The following KCND2 variants were observed in gnomAD, a reference collection of about 807,000 sequenced individuals.
The protein encoded by KCND2 is potassium voltage-gated channel subfamily D member 2.
A neutral mutation model predicts 54.4 loss-of-function variants in KCND2; 16 were observed. That is an observed-to-expected ratio of 0.29 (90% CI 0.20 to 0.45). KCND2 has a LOEUF of 0.45. Ranked by LOEUF, KCND2 falls within the 20% of genes least tolerant of loss-of-function variation. KCND2 has a pLI of 1.00. For missense variants in KCND2, 486 were observed against 824.2 expected, an observed-to-expected ratio of 0.59 and a Z score of 5.02; for synonymous variants, 317 against 310.7, an observed-to-expected ratio of 1.02 and a Z score of -0.21.
intron 1 of KCND2, among the ~76,000 whole-genome samples, chr7:120,502,359 A>C (rs765531540): frequency 1.4e-4 from 21 of 151,988 alleles, no homozygotes; most frequent in South Asian, 4.1e-4. Flanking sequence ...AGGGTTGCAG[A>C]AGGATTAAGA....
At chr7:120,279,060 A>G (rs1318471156) in intron 1 of KCND2, among the ~76,000 whole-genome samples, 1 of 151,908 alleles carries the variant, frequency 6.6e-6, no homozygotes, top group East Asian at 1.9e-4. Flanking sequence ...CTTTTGTCCT[A>G]AAGTCCTTTG....
At chr7:120,409,166 G>T (rs969465969) in intron 1 of KCND2, among the ~76,000 whole-genome samples, 4 of 151,918 alleles carry the variant, frequency 2.6e-5, no homozygotes. Flanking sequence ...GGAACAAGGC[G>T]TTGGTGTCAG....
intron 1 of KCND2, among the ~76,000 whole-genome samples, chr7:120,359,004 TAGAG>T (rs992592743): frequency 4.5e-4 from 69 of 152,300 alleles, no homozygotes; most frequent in African/African-American, 1.5e-3. Context: ...TACTTTAAAA[TAGAG>T]AGAAAGAGAA....
At chr7:120,529,593 A>G (rs1179700937) in intron 1 of KCND2, among the ~76,000 whole-genome samples, 1 of 152,166 alleles carries the variant, frequency 6.6e-6, no homozygotes, top group Non-Finnish European at 1.5e-5. Context: ...TAATGAATAC[A>G]GTCATTTTCT....
chr7:120,635,223 T>C (rs1312997030), intron 1 of KCND2, among the ~76,000 whole-genome samples: 3 of 152,270 alleles, frequency 2.0e-5, no homozygotes, highest in Non-Finnish European at 4.4e-5. Flanking sequence ...TAGCAGGTCA[T>C]CCATAAATAT....
chr7:120,676,392 C>T (rs1792061078), intron 1 of KCND2, among the ~76,000 whole-genome samples: 1 of 152,090 alleles, frequency 6.6e-6, no homozygotes, highest in South Asian at 2.1e-4. Context: ...AGACATCACT[C>T]AGTCCCACCA....
At chr7:120,724,143 T>G (rs1792702940) in intron 1 of KCND2, among the ~76,000 whole-genome samples, 6 of 152,202 alleles carry the variant, frequency 3.9e-5, no homozygotes, top group African/African-American at 9.7e-5. Context: ...GTTCCAATTA[T>G]TTGCTCAGCA....
At position 120,325,645 on chromosome 7, in the gene KCND2, T is replaced by C. The variant is rs371717935; in HGVS notation, c.1115+49898T>C. 1.4e-4 allele frequency among the ~76,000 whole-genome samples: 21 copies of C among 152,238 alleles called. No homozygotes were observed. The East Asian group carries it at 3.9e-3, about 28-fold the overall frequency. ...TTGAACCAGCCTTGCATCCCAGGGA[T>C]GAAGCCCACTTGATCATGGTGGATA... On this transcript the variant is annotated intron_variant, in intron 1 of 5. Coordinates refer to ENST00000331113, the MANE Select transcript of KCND2 (RefSeq NM_012281.3).
At chr7:120,642,580 AT>A (rs1562896503) in intron 1 of KCND2, among the ~76,000 whole-genome samples, 6 of 147,804 alleles carry the variant, frequency 4.1e-5, no homozygotes, top group African/African-American at 1.5e-4. Context: ...AAAAAAAAAT[AT>A]ATATATATAT....
At chr7:120,409,183 C>G (rs982597678) in intron 1 of KCND2, among the ~76,000 whole-genome samples, 19 of 151,900 alleles carry the variant, frequency 1.3e-4, no homozygotes, top group Non-Finnish European at 2.4e-4. Flanking sequence ...TCAGAGAGAT[C>G]TTAGTTGGCT....
intron 1 of KCND2, among the ~76,000 whole-genome samples, chr7:120,384,472 A>G (rs1389417986): frequency 6.6e-6 from 1 of 152,186 alleles, no homozygotes; most frequent in African/African-American, 2.4e-5. Flanking sequence ...CTCAGCATGC[A>G]TCTTAAGCTC....
At chr7:120,320,528 T>C (rs1799879914) in intron 1 of KCND2, among the ~76,000 whole-genome samples, 1 of 152,152 alleles carries the variant, frequency 6.6e-6, no homozygotes, top group African/African-American at 2.4e-5. Context: ...CAAAAGGACT[T>C]TCACTTTATC....
chr7:120,408,453 G>A (rs183641315), intron 1 of KCND2, among the ~76,000 whole-genome samples: 214 of 151,990 alleles, frequency 1.4e-3, no homozygotes, highest in Admixed American at 2.4e-3. Context: ...CATATAACAT[G>A]TAAAGACAGG....
chr7:120,448,176 C>A (rs903614568), intron 1 of KCND2, among the ~76,000 whole-genome samples: 3 of 150,874 alleles, frequency 2.0e-5, no homozygotes, highest in African/African-American at 7.3e-5. Flanking sequence ...CTATCCCTCC[C>A]CCCTCACCCC....
chr7:120,671,410 G>A (rs1399329332), intron 1 of KCND2, among the ~76,000 whole-genome samples: 1 of 152,058 alleles, frequency 6.6e-6, no homozygotes, highest in Non-Finnish European at 1.5e-5. Context: ...CTGCTATGTA[G>A]CCTGGTTGCT....
chr7:120,426,202 A>T (rs2116148523), intron 1 of KCND2, among the ~76,000 whole-genome samples: 2 of 152,268 alleles, frequency 1.3e-5, no homozygotes, highest in Middle Eastern at 3.4e-3. Flanking sequence ...TTCCTTAAAC[A>T]TATAATATAT....
At chr7:120,536,772 G>C (rs906824452) in intron 1 of KCND2, among the ~76,000 whole-genome samples, 4 of 152,104 alleles carry the variant, frequency 2.6e-5, no homozygotes, top group African/African-American at 9.7e-5. Context: ...TGGTGTTCAT[G>C]ATACATCTAT....
intron 1 of KCND2, among the ~76,000 whole-genome samples, chr7:120,302,976 C>T (rs1466103501): frequency 6.6e-6 from 1 of 152,116 alleles, no homozygotes; most frequent in African/African-American, 2.4e-5. Flanking sequence ...AGAGATGGAA[C>T]TAAAAGCAAA....
intron 1 of KCND2, among the ~76,000 whole-genome samples, chr7:120,359,224 GCA>G (rs1410143598): frequency 1.3e-5 from 2 of 152,100 alleles, no homozygotes; most frequent in Non-Finnish European, 2.9e-5. Context: ...TGTGCTCTGT[GCA>G]CAATTTTTTT....
Sources: allele counts gnomAD v4.1 joint callset (sites outside exome capture counted in the v4.1 genomes callset), GRCh38; gene constraint gnomAD v4.1.1; transcripts MANE v1.5; gene names NCBI Gene and HGNC (gene_info 2026-07-23, HGNC 2026-07-21).